FAM227B: variants seen among roughly 807,000 people sequenced by gnomAD.
FAM227B encodes the protein family with sequence similarity 227 member B, also known as protein FAM227B.
A neutral mutation model predicts 73.8 loss-of-function variants in FAM227B; 88 were observed. That is an observed-to-expected ratio of 1.19 (90% confidence interval 1.00 to 1.42). FAM227B has a LOEUF of 1.42. Ranked by LOEUF, FAM227B falls within the 40% of genes most tolerant of loss-of-function variation. The pLI, the probability that FAM227B is intolerant of heterozygous loss-of-function variation, is 0.00. For missense variants in FAM227B, 632 were observed against 590.9 expected (o/e 1.07, Z -0.72); for synonymous variants, 210 against 190.5 (o/e 1.10, Z -0.84).
chr15:49,535,303 A>G (rs1336637056), intron 10 of FAM227B, among the ~76,000 whole-genome samples: 1 of 151,740 alleles, frequency 6.6e-6, no homozygotes, highest in African/African-American at 2.4e-5. Flanking sequence ...ATTATATGCC[A>G]TCAAATTGAA....
intron 5 of FAM227B, among the ~76,000 whole-genome samples, chr15:49,580,091 T>C (rs2075716055): frequency 6.6e-6 from 1 of 152,190 alleles, no homozygotes; most frequent in South Asian, 2.1e-4. Flanking sequence ...AAAATATAAA[T>C]ACATGTTAAA....
intron 11 of FAM227B, among the ~76,000 whole-genome samples, chr15:49,414,494 G>T (rs1378645618): frequency 3.9e-5 from 6 of 152,130 alleles, no homozygotes; most frequent in African/African-American, 1.4e-4. Context: ...ATTGGAAACA[G>T]TAGTCTGCAT....
At chr15:49,473,604 A>G (rs2054984728) in intron 11 of FAM227B, among the ~76,000 whole-genome samples, 1 of 152,120 alleles carries the variant, frequency 6.6e-6, no homozygotes, top group Non-Finnish European at 1.5e-5. Flanking sequence ...GGAGGGGTAT[A>G]ATGACTCTCT....
intron 13 of FAM227B, chr15:49,365,352 CAT>C: frequency 6.6e-7 from 1 of 1,505,278 alleles, no homozygotes; most frequent in Non-Finnish European, 9.2e-7. Flanking sequence ...ATGCCAATAG[CAT>C]AGGCAACTGT....
At chr15:49,520,480 A>T (rs898038856) in intron 10 of FAM227B, among the ~76,000 whole-genome samples, 1 of 152,162 alleles carries the variant, frequency 6.6e-6, no homozygotes, top group Non-Finnish European at 1.5e-5. Flanking sequence ...TTAGTCTGTT[A>T]TCATACTGCT....
intron 10 of FAM227B, among the ~76,000 whole-genome samples, chr15:49,508,766 TAC>T (rs1043501885): frequency 1.3e-5 from 2 of 152,220 alleles, no homozygotes; most frequent in African/African-American, 2.4e-5. Flanking sequence ...TGTTTTTAGA[TAC>T]AGTTATCACT....
chr15:49,363,047 T>C (rs1370691669), intron 13 of FAM227B, among the ~76,000 whole-genome samples: 1 of 152,102 alleles, frequency 6.6e-6, no homozygotes, highest in African/African-American at 2.4e-5. Flanking sequence ...AATCTGAATT[T>C]GGGTAACATG....
chr15:49,538,413 A>G (rs889037000), intron 10 of FAM227B, among the ~76,000 whole-genome samples: 1 of 152,134 alleles, frequency 6.6e-6, no homozygotes, highest in Admixed American at 6.5e-5. Context: ...GGTCCCTGGA[A>G]GGTGAAAGCA....
intron 2 of FAM227B, among the ~76,000 whole-genome samples, chr15:49,611,517 T>G (rs2077916477): frequency 6.6e-6 from 1 of 152,096 alleles, no homozygotes; most frequent in Admixed American, 6.6e-5. Context: ...AGAGAAAAAC[T>G]CCACATGAAT....
At chr15:49,486,069 T>G (rs1267899932) in intron 11 of FAM227B, 4 of 152,018 alleles carry the variant, frequency 2.6e-5, no homozygotes, top group Non-Finnish European at 4.4e-5. Context: ...TGGTAGCACT[T>G]TATATGTTCA....
chr15:49,446,876 G>A (rs1406523177), intron 11 of FAM227B, among the ~76,000 whole-genome samples: 1 of 151,524 alleles, frequency 6.6e-6, no homozygotes, highest in African/African-American at 2.4e-5. Flanking sequence ...AGTGAGGAAG[G>A]AGTGCTCACT....
chr15:49,523,395 CTT>C (rs1224355925), intron 10 of FAM227B, among the ~76,000 whole-genome samples: 3 of 152,198 alleles, frequency 2.0e-5, no homozygotes, highest in African/African-American at 7.2e-5. Context: ...CAAGCTCTCT[CTT>C]TGCCTGCTGC....
Position 49,568,327 on chromosome 15 carries a change from T to A in FAM227B, c.665A>T (p.Asp222Val). 1.9e-6 allele frequency: 3 copies of A among 1,610,422 alleles called. No individual in the cohort carries two copies. The highest frequency in any genetic ancestry group is 8.5e-7 in the Non-Finnish European group (1 of 1,178,422). Residue 222 changes from aspartate to valine, a missense_variant, in exon 9 of 16, where the codon GAT becomes GTT. By Grantham distance (152) the Asp-to-Val change is radical (BLOSUM62 -3). Coordinates refer to ENST00000299338, the MANE Select transcript of FAM227B (RefSeq NM_152647.3). ...HKFRPDRENQ[D>V]CLFDRISESY... ...TTCTGAAATTCTATCGAATAAGCAA[T>A]CTTGGTTTTCTCTGTCAGGCTTAAA...
chr15:49,497,824 G>A (rs1330056562), intron 11 of FAM227B, among the ~76,000 whole-genome samples: 1 of 152,184 alleles, frequency 6.6e-6, no homozygotes, highest in Non-Finnish European at 1.5e-5. Context: ...TCTTTTAGAG[G>A]TTTAGAAATT....
chr15:49,556,809 C>T (rs2073747529), intron 9 of FAM227B, among the ~76,000 whole-genome samples: 1 of 152,140 alleles, frequency 6.6e-6, no homozygotes, highest in Non-Finnish European at 1.5e-5. Context: ...TGGTTGTGCT[C>T]CATCACAGAC....
intron 13 of FAM227B, among the ~76,000 whole-genome samples, chr15:49,356,188 A>T (rs2043137552): frequency 6.6e-6 from 1 of 152,168 alleles, no homozygotes; most frequent in South Asian, 2.1e-4. Context: ...TCAACTAACG[A>T]GCAAAATAAC....
intron 9 of FAM227B, among the ~76,000 whole-genome samples, chr15:49,547,694 G>C (rs1395286757): frequency 6.6e-6 from 1 of 152,160 alleles, no homozygotes; most frequent in East Asian, 1.9e-4. Context: ...AGACAAAATA[G>C]ACTTTAAAGC....
At chr15:49,491,654 T>G (rs533944655) in intron 11 of FAM227B, among the ~76,000 whole-genome samples, 12 of 151,884 alleles carry the variant, frequency 7.9e-5, no homozygotes, top group African/African-American at 2.9e-4. Context: ...TTATAACAAT[T>G]TTTTTCCTTC....
intron 11 of FAM227B, chr15:49,396,119 G>C (rs538227750): frequency 2.5e-6 from 1 of 395,206 alleles, no homozygotes; most frequent in Admixed American, 3.0e-5. Flanking sequence ...CAGACAGTGG[G>C]CGCAGGTCAG....
Sources: allele counts gnomAD v4.1 joint callset (sites outside exome capture counted in the v4.1 genomes callset), GRCh38; gene constraint gnomAD v4.1.1; transcripts MANE v1.5; gene names NCBI Gene and HGNC (gene_info 2026-07-23, HGNC 2026-07-21).